ANKS3: variants seen among roughly 807,000 people sequenced by gnomAD.
The protein encoded by ANKS3 is ankyrin repeat and sterile alpha motif domain containing 3, also known as ankyrin repeat and SAM domain-containing protein 3.
In ANKS3, 62 loss-of-function variants were observed where a neutral mutation model predicts 80.7. The ratio of observed to expected loss-of-function variants is 0.77; its 90% CI spans 0.63 to 0.95. ANKS3 has a LOEUF of 0.95. Among genes scored for constraint, ANKS3 ranks in the 40% least tolerant of loss-of-function variants. ANKS3 has a pLI of 0.00. For missense variants in ANKS3, 1,150 were observed against 883.6 expected, an observed-to-expected ratio of 1.30 and a Z score of -3.82; for synonymous variants, 489 against 355.3, an observed-to-expected ratio of 1.38 and a Z score of -4.23.
chr16:4,707,243 T>A (rs1184335888), intron 7 of ANKS3, among the ~76,000 whole-genome samples: 1 of 151,196 alleles, frequency 6.6e-6, no homozygotes, highest in African/African-American at 2.4e-5. Context: ...CAACGTGGAA[T>A]TCAGGGCAAA....
intron 7 of ANKS3, among the ~76,000 whole-genome samples, chr16:4,708,988 G>A (rs1042064403): frequency 5.9e-5 from 9 of 151,940 alleles, no homozygotes; most frequent in African/African-American, 1.9e-4. Flanking sequence ...AAGTGAGGCC[G>A]GGCGCAGTGG....
intron 6 of ANKS3, 126 bp downstream of exon 6, chr16:4,724,624 A>C: frequency 1.1e-6 from 1 of 912,518 alleles, no homozygotes; most frequent in Non-Finnish European, 1.7e-6. Context: ...GATAATGAAA[A>C]TGTGTTGAAT....
At chr16:4,728,489 G>C (rs1456975273) in intron 3 of ANKS3, among the ~76,000 whole-genome samples, 1 of 152,100 alleles carries the variant, frequency 6.6e-6, no homozygotes, top group African/African-American at 2.4e-5. Flanking sequence ...GGGCTGCATG[G>C]AGATGCCTCT....
rs1417616176 is a variant in ANKS3 at position 4,698,411 on chromosome 16, G to A, written c.1724+16C>T. On this transcript the variant is annotated intron_variant, in intron 14 of 17. Coordinates refer to ENST00000304283, the MANE Select transcript of ANKS3 (RefSeq NM_133450.4). ...ACCACTGGAGACCCAGCCCAGGGCA[G>A]CTCAGAGCCACTCACCGCAGCTGGT... The A allele has an allele frequency of 1.3e-6, 2 of 1,498,378 alleles. No homozygotes were observed. Among genetic ancestry groups the A allele is most frequent in the Non-Finnish European group, 1.8e-6 (2 of 1,127,870 alleles). The allele number at this position is 1,498,378 out of a possible 1,614,324, so 92.8% of individuals were successfully genotyped here.
chr16:4,720,477 G>C (rs534945250), intron 6 of ANKS3, among the ~76,000 whole-genome samples: 1 of 148,228 alleles, frequency 6.7e-6, no homozygotes, highest in Admixed American at 6.8e-5. Flanking sequence ...AAAAAAAGAA[G>C]TCTAACACCC....
At chr16:4,697,439 G>C (rs780928841) in intron 15 of ANKS3, 23 bp from the exon 16 acceptor site, 3 of 1,563,766 alleles carry the variant, frequency 1.9e-6, no homozygotes, top group South Asian at 1.1e-5. Flanking sequence ...TGCAGGGACC[G>C]AGTTAGCTGG....
intron 7 of ANKS3, among the ~76,000 whole-genome samples, chr16:4,706,110 T>C (rs1378842141): frequency 6.6e-6 from 1 of 152,024 alleles, no homozygotes; most frequent in East Asian, 1.9e-4. Flanking sequence ...ATTAGGCTGG[T>C]CTTGAACTCC....
At chr16:4,697,758 AC>A (rs2079650639) in intron 15 of ANKS3, among the ~76,000 whole-genome samples, 1 of 152,040 alleles carries the variant, frequency 6.6e-6, no homozygotes, top group Non-Finnish European at 1.5e-5. Context: ...AGTACCTCCT[AC>A]CCCTGGGGGA....
Position 4,705,111 on chromosome 16 carries a change from G to A in ANKS3, c.852C>T (p.Ala284=), listed in dbSNP as rs370422806. The A allele has an allele frequency of 6.2e-6, 10 of 1,612,556 alleles. No homozygotes were observed. In the East Asian group the frequency reaches 6.7e-5, roughly 11 times the overall value. The change falls in exon 8 of 18, where the codon GCC becomes GCT. Residue 284 remains alanine (A), a synonymous_variant. Transcript: ENST00000304283. ...GCCACTCACCATAGCGAGGCCGTGGGGCTCTGCCGCCCAGGCCAATGCCTG... is the reference window on the plus strand; with the variant it reads ...GCCACTCACCATAGCGAGGCCGTGGAGCTCTGCCGCCCAGGCCAATGCCTG... The part of the protein sequence containing the change: ...RITGIGLGGR[A]PRPRYEQAPP...
At chr16:4,700,886 CACGTCATAT>C in intron 11 of ANKS3, 75 bp downstream of exon 11, 1 of 1,544,568 alleles carries the variant, frequency 6.5e-7, no homozygotes, top group Non-Finnish European at 8.9e-7. Context: ...CAGCGCCTGG[CACGTCATAT>C]ACACAACACA....
At position 4,701,598 on chromosome 16, in the gene ANKS3, T is replaced by C. The variant is rs978174792; in HGVS notation, c.1010-55A>G. Reference sequence around the variant, plus strand: ...GCAGCCCTCACCGAGGTGCTGCGCATGGGCGTGCCCCGGGCTGAGCCGCCT... The same window carrying C: ...GCAGCCCTCACCGAGGTGCTGCGCACGGGCGTGCCCCGGGCTGAGCCGCCT... On this transcript the variant is annotated intron_variant, in intron 9 of 17. Transcript: ENST00000304283. 2.6e-6 allele frequency: 4 copies of C among 1,514,328 alleles called. No individual in the cohort carries two copies. In the African/African-American group the frequency reaches 4.1e-5, roughly 16 times the overall value. 93.8% of individuals were successfully genotyped at this position (1,514,328 alleles called of 1,614,324 possible).
chr16:4,721,559 T>C (rs1054514704), intron 6 of ANKS3, among the ~76,000 whole-genome samples: 2 of 151,256 alleles, frequency 1.3e-5, no homozygotes, highest in African/African-American at 4.8e-5. Context: ...TGCAGTGAGC[T>C]GAGACTGCAC....
chr16:4,707,773 T>C (rs987182106), intron 7 of ANKS3, among the ~76,000 whole-genome samples: 3 of 152,100 alleles, frequency 2.0e-5, no homozygotes, highest in African/African-American at 7.2e-5. Context: ...TGTATACAGA[T>C]AATAGAGAAT....
chr16:4,733,045 G>T (rs1308660902), intron 1 of ANKS3, among the ~76,000 whole-genome samples: 1 of 151,864 alleles, frequency 6.6e-6, no homozygotes, highest in African/African-American at 2.4e-5. Context: ...CATGGACATA[G>T]AAAGTAGAAG....
chr16:4,698,478 C>T lies in ANKS3; in HGVS notation c.1673G>A (p.Arg558Gln), dbSNP rs761787654. Residue 558 changes from arginine (R) to glutamine (Q), a missense_variant, in exon 14 of 18, where the codon CGG (arginine) becomes CAG (glutamine). Physicochemically the swap from Arg to Gln is conservative, Grantham distance 43. Transcript: ENST00000304283. Reference protein sequence around the residue: ...RAREDLQARLRETWALARDAA... With the variant: ...RAREDLQARLQETWALARDAA... ...ATCCCGGGCCAGGGCCCACGTCTCCCGCAGCCGGGCCTGGAGGTCCTCGCG... is the reference window on the plus strand; with the variant it reads ...ATCCCGGGCCAGGGCCCACGTCTCCTGCAGCCGGGCCTGGAGGTCCTCGCG... 1.9e-5 allele frequency: 30 copies of T among 1,548,364 alleles called. No homozygotes were observed. Among genetic ancestry groups the T allele is most frequent in the South Asian group, 1.1e-4 (9 of 85,040 alleles).
intron 7 of ANKS3, among the ~76,000 whole-genome samples, chr16:4,712,513 C>T (rs1198836191): frequency 6.6e-6 from 1 of 151,992 alleles, no homozygotes; most frequent in African/African-American, 2.4e-5. Context: ...GGATTTATGC[C>T]AAGAATGTAA....
At chr16:4,710,838 C>G (rs552333243) in intron 7 of ANKS3, among the ~76,000 whole-genome samples, 1 of 152,158 alleles carries the variant, frequency 6.6e-6, no homozygotes, top group Non-Finnish European at 1.5e-5. Context: ...CTCGCTCTGT[C>G]GCCAAGCTGG....
At chr16:4,701,236 C>T in intron 10 of ANKS3, 102 bp from the exon 11 acceptor site, 7 of 1,533,686 alleles carry the variant, frequency 4.6e-6, no homozygotes, top group Non-Finnish European at 6.2e-6. Context: ...TTCGTGAAAC[C>T]CCCCACCCGC....
intron 5 of ANKS3, 83 bp downstream of exon 5, chr16:4,726,576 G>C: frequency 2.0e-6 from 3 of 1,497,890 alleles, no homozygotes; most frequent in East Asian, 4.6e-5. Context: ...CCTAAACTCT[G>C]GTTAGCTGCC....
Sources: gnomAD v4.1 joint callset for allele counts (sites outside exome capture counted in the v4.1 genomes callset) on GRCh38, gnomAD v4.1.1 for gene constraint, MANE v1.5 for transcripts, NCBI Gene and HGNC (gene_info 2026-07-23, HGNC 2026-07-21) for gene names.